Variants in BMPR1B observed in about 807,000 individuals in gnomAD.
BMPR1B encodes bone morphogenetic protein receptor type 1B, also known as bone morphogenetic protein receptor type-1B.
BMPR1B carries 12 observed loss-of-function variants against 59.1 expected under a neutral mutation model. That is an observed-to-expected ratio of 0.20 (90% CI 0.13 to 0.33). The LOEUF (loss-of-function observed/expected upper bound fraction) is 0.33, where lower values mean the gene tolerates loss of function less well. Ranked by LOEUF, BMPR1B falls within the 10% of genes least tolerant of loss-of-function variation. The pLI, the probability that BMPR1B is intolerant of heterozygous loss-of-function variation, is 1.00. For missense variants in BMPR1B, 550 were observed against 610.9 expected (o/e 0.90, Z 1.05); for synonymous variants, 237 against 207.3 (o/e 1.14, Z -1.23).
intron 1 of BMPR1B, among the ~76,000 whole-genome samples, chr4:94,765,929 G>A (rs1721952315): frequency 6.6e-6 from 1 of 152,100 alleles, no homozygotes; most frequent in Admixed American, 6.6e-5. Flanking sequence ...TTTCCGAGTT[G>A]TGAGACCTTG....
chr4:95,037,295 A>C (rs1725328654), intron 3 of BMPR1B, among the ~76,000 whole-genome samples: 1 of 152,190 alleles, frequency 6.6e-6, no homozygotes, highest in Non-Finnish European at 1.5e-5. Context: ...GAGAAATAGC[A>C]ATATTTAGAT....
At chr4:94,907,495 C>T (rs750146035) in intron 2 of BMPR1B, among the ~76,000 whole-genome samples, 15 of 152,016 alleles carry the variant, frequency 9.9e-5, no homozygotes, top group Admixed American at 2.0e-4. Flanking sequence ...TGCATATGCT[C>T]GGTCCTTTCT....
chr4:94,966,012 TAAAA>T (rs1192645357), intron 2 of BMPR1B, among the ~76,000 whole-genome samples: 1 of 152,030 alleles, frequency 6.6e-6, no homozygotes, highest in East Asian at 1.9e-4. Context: ...CATACAGTTG[TAAAA>T]AAAAGATTTT....
chr4:94,800,386 G>C (rs1198714241), intron 1 of BMPR1B, among the ~76,000 whole-genome samples: 1 of 151,050 alleles, frequency 6.6e-6, no homozygotes, highest in Non-Finnish European at 1.5e-5. Context: ...GTAGAAATTT[G>C]TGTAAGAATT....
chr4:94,872,199 C>T (rs1410340034), intron 1 of BMPR1B, among the ~76,000 whole-genome samples: 1 of 152,128 alleles, frequency 6.6e-6, no homozygotes, highest in African/African-American at 2.4e-5. Flanking sequence ...AATCTTTTAG[C>T]TTCTATAGCT....
At chr4:95,128,199 T>G (rs1488031305) in intron 8 of BMPR1B, among the ~76,000 whole-genome samples, 1 of 152,158 alleles carries the variant, frequency 6.6e-6, no homozygotes, top group Admixed American at 6.6e-5. Flanking sequence ...ATCCCTAGAA[T>G]TTTATGTTCT....
chr4:94,983,008 GA>G (rs1022916991), intron 2 of BMPR1B, among the ~76,000 whole-genome samples: 9 of 148,770 alleles, frequency 6.0e-5, no homozygotes, highest in Admixed American at 3.4e-4. Flanking sequence ...AAAAACAAAC[GA>G]AAAAAAAATT....
chr4:94,925,162 A>G lies in BMPR1B; in HGVS notation c.-113+49262A>G, dbSNP rs1007893151. 5.3e-5 allele frequency among the ~76,000 whole-genome samples: 8 copies of G among 152,192 alleles called. 1 individual carries two copies. The highest frequency in any genetic ancestry group is 1.9e-4 in the African/African-American group (8 of 41,548). ...ATTTAGAATCACCTGCCTTGTAGCC[A>G]CCCAGACTCCAAGCATGACATTAAG... On this transcript the variant is annotated intron_variant, in intron 2 of 12. Transcript: ENST00000515059.
At chr4:95,124,875 A>T in intron 7 of BMPR1B, 108 bp from the exon 8 acceptor site, 1 of 1,023,436 alleles carries the variant, frequency 9.8e-7, no homozygotes, top group Non-Finnish European at 1.5e-6. Flanking sequence ...TTAATGTATT[A>T]TATTTAGGTG....
chr4:95,006,829 A>C (rs976254921), intron 3 of BMPR1B, among the ~76,000 whole-genome samples: 1 of 152,006 alleles, frequency 6.6e-6, no homozygotes, highest in African/African-American at 2.4e-5. Flanking sequence ...ATGAGCCACC[A>C]CGCCCAGCCC....
chr4:95,011,924 A>G (rs1723252646), intron 3 of BMPR1B, among the ~76,000 whole-genome samples: 1 of 151,842 alleles, frequency 6.6e-6, no homozygotes. Context: ...GAAACTAGGG[A>G]AGGAGAATCT....
intron 3 of BMPR1B, 118 bp downstream of exon 3, chr4:94,996,252 GCT>G (rs1385472685): frequency 1.3e-5 from 2 of 152,316 alleles, no homozygotes; most frequent in African/African-American, 2.4e-5. Flanking sequence ...AGGGCTGCCT[GCT>G]GGGTAAGAAT....
chr4:94,784,896 C>A (rs984920037), intron 1 of BMPR1B, among the ~76,000 whole-genome samples: 2 of 152,150 alleles, frequency 1.3e-5, no homozygotes, highest in African/African-American at 4.8e-5. Flanking sequence ...TTCCTGTGAC[C>A]TTTAGGGTAA....
chr4:95,038,190 A>C (rs1002179301), intron 3 of BMPR1B, among the ~76,000 whole-genome samples: 2 of 152,138 alleles, frequency 1.3e-5, no homozygotes, highest in Admixed American at 1.3e-4. Context: ...GAATCAGGAG[A>C]CACAAAGCTC....
chr4:94,818,004 C>T (rs893399146), intron 1 of BMPR1B, among the ~76,000 whole-genome samples: 2 of 152,136 alleles, frequency 1.3e-5, no homozygotes, highest in Admixed American at 6.6e-5. Context: ...AAATCAGAAA[C>T]TCTGAAGGTG....
At chr4:95,020,147 T>G (rs534644743) in intron 3 of BMPR1B, among the ~76,000 whole-genome samples, 160 of 152,258 alleles carry the variant, frequency 1.1e-3, no homozygotes, top group African/African-American at 3.7e-3. Context: ...CAGAGACAAT[T>G]TTGTCTCCCA....
chr4:94,825,709 A>G (rs151278778), intron 1 of BMPR1B, among the ~76,000 whole-genome samples: 2,649 of 152,266 alleles, frequency 0.017, 66 homozygotes, highest in African/African-American at 0.058. Flanking sequence ...ACAGAGTACT[A>G]TTGTAATGGG....
chr4:95,039,618 T>C (rs530569498), intron 3 of BMPR1B, among the ~76,000 whole-genome samples: 1 of 152,266 alleles, frequency 6.6e-6, no homozygotes, highest in South Asian at 2.1e-4. Flanking sequence ...TAAGGGAAGA[T>C]ACGGAAATAT....
rs1732802934 is a variant in BMPR1B at position 95,125,030 on chromosome 4, A to G, written c.494A>G (p.Gln165Arg). The G allele has an allele frequency of 1.9e-6, 3 of 1,613,754 alleles. No homozygotes were observed. The highest frequency in any genetic ancestry group is 2.5e-6 in the Non-Finnish European group (3 of 1,179,656). ...CCTCGATACAGCATTGGGTTAGAAC[A>G]GGATGAAACTTACATTCCTCCTGGA... ...TRPRYSIGLE[Q>R]DETYIPPGES... Residue 165 changes from glutamine (Q) to arginine (R), a missense_variant, in exon 8 of 13, where the codon CAG becomes CGG. Transcript: ENST00000515059.
Sources: allele counts gnomAD v4.1 joint callset (sites outside exome capture counted in the v4.1 genomes callset), GRCh38; gene constraint gnomAD v4.1.1; transcripts MANE v1.5; gene names NCBI Gene and HGNC (gene_info 2026-07-23, HGNC 2026-07-21).